The following CTNNA2 variants were observed in gnomAD, a reference collection of about 807,000 sequenced individuals.
CTNNA2 encodes the protein catenin alpha 2.
A neutral mutation model predicts 101.0 loss-of-function variants in CTNNA2; 42 were observed. The ratio of observed to expected loss-of-function variants is 0.42; its 90% confidence interval spans 0.32 to 0.54. The LOEUF (loss-of-function observed/expected upper bound fraction) is 0.54. Among genes scored for constraint, CTNNA2 ranks in the 20% least tolerant of loss-of-function variants. The pLI, the probability that CTNNA2 is intolerant of heterozygous loss-of-function variation, is 0.14. For synonymous variants in CTNNA2, 450 were observed against 456.4 expected, an observed-to-expected ratio of 0.99 and a Z score of 0.18; for missense variants, 871 against 1,223.1, an observed-to-expected ratio of 0.71 and a Z score of 4.29.
chr2:79,456,464 A>T, intron 4 of CTNNA2, among the ~76,000 whole-genome samples: 1 of 152,186 alleles, frequency 6.6e-6, no homozygotes, highest in East Asian at 1.9e-4. Flanking sequence ...TATTAAAGTT[A>T]TTTTGTGGTT....
intron 7 of CTNNA2, among the ~76,000 whole-genome samples, chr2:80,061,880 G>A (rs1033484545): frequency 6.6e-6 from 1 of 152,162 alleles, no homozygotes. Context: ...AACATTTAGA[G>A]GCTAAAAGCA....
rs376854145 is a variant in CTNNA2, at chr2:80,302,991, C to T, written c.1057-90220C>T. 21 of 1,613,156 alleles carry T rather than the reference C, an allele frequency of 1.3e-5. No homozygotes were observed. The highest frequency in any genetic ancestry group is 1.7e-5 in the Non-Finnish European group (20 of 1,179,936). ...AGGGACTGCAGGTGCGGCACGGTCT[C>T]GAACACATGGGGCTCCATGTACTCG... On this transcript the variant is annotated intron_variant, in intron 7 of 18. Coordinates refer to ENST00000402739, the MANE Select transcript of CTNNA2 (RefSeq NM_001282597.3). This position sits in a 1 kb window ranked among gnomAD's most constrained non-coding sequence, Gnocchi z 6.4.
chr2:79,827,681 G>A (rs72916645), intron 3 of CTNNA2, among the ~76,000 whole-genome samples: 3,205 of 152,200 alleles, frequency 0.021, 150 homozygotes, highest in African/African-American at 0.073. Context: ...CCCCTGAAAG[G>A]AATATGTATC....
intron 4 of CTNNA2, among the ~76,000 whole-genome samples, chr2:79,416,685 C>G (rs1483210064): frequency 6.6e-6 from 1 of 151,986 alleles, no homozygotes; most frequent in East Asian, 1.9e-4. Context: ...CCTGGGTTAA[C>G]AGTTAGGGAC....
intron 4 of CTNNA2, among the ~76,000 whole-genome samples, chr2:79,376,455 TG>T (rs201722856): frequency 1.4e-5 from 2 of 148,144 alleles, no homozygotes; most frequent in African/African-American, 2.5e-5. Context: ...TGGTTGGTTT[TG>T]TTTTTGTTTT....
chr2:79,396,003 G>C (rs774849707), intron 4 of CTNNA2, among the ~76,000 whole-genome samples: 9 of 151,960 alleles, frequency 5.9e-5, no homozygotes, highest in Admixed American at 5.9e-4. Flanking sequence ...TCACATTTAC[G>C]GTCTGACACA....
intron 9 of CTNNA2, among the ~76,000 whole-genome samples, chr2:80,469,471 G>A (rs1685117812): frequency 6.6e-6 from 1 of 152,194 alleles, no homozygotes; most frequent in Admixed American, 6.6e-5. Flanking sequence ...ACTGAATTTG[G>A]TTGGTGATAT....
rs147246444 is a variant in CTNNA2 at position 80,058,593 on chromosome 2, A to G, written c.1056+148796A>G. 6.4e-3 allele frequency among the ~76,000 whole-genome samples: 969 copies of G among 152,256 alleles called. 3 individuals carry two copies. Among genetic ancestry groups the G allele is most frequent in the African/African-American group, 0.017 (718 of 41,534 alleles). On this transcript the variant is annotated intron_variant, in intron 7 of 18. Coordinates refer to ENST00000402739, the MANE Select transcript of CTNNA2 (RefSeq NM_001282597.3). The stretch of plus-strand genomic sequence containing the variant: ...TACTTATAGGCGTAAAAGCAATCCT[A>G]CCTTTTAACTACACACTAAGGACCA...
intron 4 of CTNNA2, among the ~76,000 whole-genome samples, chr2:79,393,476 G>A (rs922445084): frequency 3.3e-5 from 5 of 152,006 alleles, no homozygotes; most frequent in Non-Finnish European, 5.9e-5. Context: ...GAATTGAGTC[G>A]TTGTGGCAGA....
intron 1 of CTNNA2, among the ~76,000 whole-genome samples, chr2:79,546,302 CT>C (rs1236703809): frequency 1.3e-5 from 2 of 152,078 alleles, no homozygotes; most frequent in African/African-American, 4.8e-5. Context: ...TTCTCAGGAA[CT>C]TTTAAAACCA....
At chr2:80,355,723 T>C (rs747615788) in intron 7 of CTNNA2, among the ~76,000 whole-genome samples, 16 of 152,288 alleles carry the variant, frequency 1.1e-4, no homozygotes, top group Non-Finnish European at 2.1e-4. Flanking sequence ...TGAACTTTTC[T>C]ATTTTTGTTC....
At chr2:80,298,512 C>T (rs775877200) in intron 7 of CTNNA2, 4 of 152,132 alleles carry the variant, frequency 2.6e-5, no homozygotes, top group East Asian at 3.9e-4. Context: ...GCTGACAAGT[C>T]GACTAAAATA....
chr2:79,995,610 A>G (rs543880492), intron 7 of CTNNA2, among the ~76,000 whole-genome samples: 3 of 152,288 alleles, frequency 2.0e-5, no homozygotes, highest in Admixed American at 2.0e-4. Context: ...TAGGAGCTCA[A>G]GACCAGCCTG....
intron 2 of CTNNA2, among the ~76,000 whole-genome samples, chr2:79,660,256 T>TAC (rs753389092): frequency 0.057 from 8,561 of 149,670 alleles, 305 homozygotes; most frequent in Non-Finnish European, 0.072. Context: ...TGTATATACA[T>TAC]ATGTATGTAT....
At chr2:80,374,788 T>A (rs1675782310) in intron 7 of CTNNA2, among the ~76,000 whole-genome samples, 1 of 151,874 alleles carries the variant, frequency 6.6e-6, no homozygotes, top group South Asian at 2.1e-4. Flanking sequence ...TGATCTCATT[T>A]TAACTTAATT....
rs35938297 is a variant in CTNNA2 at position 80,477,727 on chromosome 2, ATGTGTG to A, written c.1290+58156_1290+58161del. 8.6e-3 allele frequency among the ~76,000 whole-genome samples: 1,235 copies of A among 143,892 alleles called. 6 individuals are homozygous for A. Among genetic ancestry groups the A allele is most frequent in the African/African-American group, 0.021 (840 of 39,346 alleles). The allele number at this position is 143,892 out of a possible 152,430, so 94.4% of individuals were successfully genotyped here. On this transcript the variant is annotated intron_variant, in intron 9 of 18. Coordinates refer to ENST00000402739, the MANE Select transcript of CTNNA2 (RefSeq NM_001282597.3). ...GGCTGAGTAGTATTCCATGGTGTGA[ATGTGTG>A]TGTGTGTGTGTGTGTGTGTGTGTGT...
intron 3 of CTNNA2, among the ~76,000 whole-genome samples, chr2:79,804,960 G>C (rs2105313012): frequency 6.6e-6 from 1 of 152,320 alleles, no homozygotes; most frequent in Non-Finnish European, 1.5e-5. Flanking sequence ...GCAAGAATGA[G>C]CTGGGCCAAA....
At chr2:80,226,860 C>G (rs1708916962) in intron 7 of CTNNA2, among the ~76,000 whole-genome samples, 2 of 152,158 alleles carry the variant, frequency 1.3e-5, no homozygotes, top group Non-Finnish European at 2.9e-5. Flanking sequence ...CAGCTCATCT[C>G]CAGGATGCAG....
chr2:79,698,902 C>T (rs1684813613), intron 2 of CTNNA2, among the ~76,000 whole-genome samples: 1 of 152,162 alleles, frequency 6.6e-6, no homozygotes, highest in Admixed American at 6.5e-5. Context: ...CAGTAAAGGG[C>T]AGTCTTCTAC....
Sources: allele counts gnomAD v4.1 joint callset (sites outside exome capture counted in the v4.1 genomes callset), GRCh38; gene constraint gnomAD v4.1.1; non-coding constraint Gnocchi (gnomAD v3.1); transcripts MANE v1.5; gene names NCBI Gene and HGNC (gene_info 2026-07-23, HGNC 2026-07-21).